TPRKB: variants seen among roughly 807,000 people sequenced by gnomAD.
The protein encoded by TPRKB is EKC/KEOPS complex subunit TPRKB.
A neutral mutation model predicts 17.8 loss-of-function variants in TPRKB; 11 were observed. That is an observed-to-expected ratio of 0.62 (90% CI 0.39 to 1.02). The LOEUF (loss-of-function observed/expected upper bound fraction) is 1.02, where lower values mean the gene tolerates loss of function less well. TPRKB is among the 50% of genes least tolerant of loss of function. TPRKB has a pLI of 0.00. For synonymous variants in TPRKB, 71 were observed against 69.5 expected (o/e 1.02, Z -0.11); for missense variants, 228 against 198.0 (o/e 1.15, Z -0.91).
At chr2:73,736,020 AT>A (rs1671860933) in intron 1 of TPRKB, among the ~76,000 whole-genome samples, 1 of 152,228 alleles carries the variant, frequency 6.6e-6, no homozygotes, top group Non-Finnish European at 1.5e-5. Flanking sequence ...AAACATCTGA[AT>A]GGAAAACAAA....
In TPRKB at chr2:73,732,372, T is replaced by G. The variant is rs892554597; in HGVS notation, c.142-87A>C. 4 of 1,405,478 alleles carry G rather than the reference T, an allele frequency of 2.8e-6. No homozygotes were observed. The African/African-American group carries it at 5.8e-5, about 20-fold the overall frequency. 87.1% of individuals were successfully genotyped at this position (1,405,478 alleles called of 1,614,324 possible). ...TGGTAACTCATGGTTAACTCCAGTGTCAAGCTGTTTTACTTCATCACAATT... is the reference window on the plus strand; with the variant it reads ...TGGTAACTCATGGTTAACTCCAGTGGCAAGCTGTTTTACTTCATCACAATT... On this transcript the variant is annotated intron_variant, in intron 2 of 4. Transcript: ENST00000272424.
rs1671548880 is a variant in TPRKB at position 73,730,493 on chromosome 2, A to T, written c.441+67T>A. 6.9e-6 allele frequency: 8 copies of T among 1,151,190 alleles called. No homozygotes were observed. The South Asian group carries it at 1.2e-4, about 17-fold the overall frequency. 71.3% of individuals were successfully genotyped at this position (1,151,190 alleles called of 1,614,324 possible). On this transcript the variant is annotated intron_variant, in intron 4 of 4. Transcript: ENST00000272424. ...AAAAAACAAGGAGCTCTGGTGATCA[A>T]TAGGCAAACGGCATCAGCATTATTG...
At chr2:73,733,486 G>A (rs531616514) in intron 2 of TPRKB, among the ~76,000 whole-genome samples, 13 of 150,880 alleles carry the variant, frequency 8.6e-5, no homozygotes, top group South Asian at 4.2e-4. Flanking sequence ...CTCAAACTCC[G>A]GGCCTCAAGC....
intron 3 of TPRKB, among the ~76,000 whole-genome samples, chr2:73,731,606 T>C (rs1009848575): frequency 6.6e-6 from 1 of 152,220 alleles, no homozygotes; most frequent in African/African-American, 2.4e-5. Context: ...ATCAGCAAAA[T>C]TGCAGTCATT....
intron 4 of TPRKB, 154 bp from the exon 5 acceptor site, chr2:73,730,183 G>A: frequency 1.1e-6 from 1 of 934,370 alleles, no homozygotes; most frequent in Non-Finnish European, 1.5e-6. Context: ...TCAAAGTAGA[G>A]GGCAATTCAT....
chr2:73,730,869 C>A (rs1573139845), intron 3 of TPRKB, 133 bp from the exon 4 acceptor site: 1 of 573,896 alleles, frequency 1.7e-6, no homozygotes, highest in Non-Finnish European at 2.8e-6. Context: ...TCACTGCCTA[C>A]TTTTTCACTT....
At chr2:73,736,050 G>A (rs1193440783) in intron 1 of TPRKB, among the ~76,000 whole-genome samples, 1 of 152,130 alleles carries the variant, frequency 6.6e-6, no homozygotes. Context: ...TGGCCAAAAT[G>A]TGGGTTTTTT....
intron 2 of TPRKB, among the ~76,000 whole-genome samples, chr2:73,733,688 A>G (rs966677375): frequency 6.6e-6 from 1 of 152,082 alleles, no homozygotes; most frequent in African/African-American, 2.4e-5. Flanking sequence ...ATTCACTGTT[A>G]TAGTCAAAGT....
At chr2:73,730,051 T>G (rs746527584) in intron 4 of TPRKB, 22 bp from the exon 5 acceptor site, 5 of 1,536,686 alleles carry the variant, frequency 3.3e-6, no homozygotes, top group Non-Finnish European at 3.5e-6. Context: ...AAAGACAAAT[T>G]ATGACTTGCT....
chr2:73,730,831 GCT>G, intron 3 of TPRKB, 95 bp from the exon 4 acceptor site: 1 of 920,612 alleles, frequency 1.1e-6, no homozygotes, highest in Non-Finnish European at 1.5e-6. Context: ...CCTTGGTCAG[GCT>G]CTTATTTTTC....
chr2:73,730,757 A>C (rs1487046573), intron 3 of TPRKB, 21 bp from the exon 4 acceptor site: 6 of 1,472,338 alleles, frequency 4.1e-6, no homozygotes, highest in Non-Finnish European at 4.5e-6. Context: ...AAAAATGAAA[A>C]AAAAAACACA....
chr2:73,737,315 G>C lies in TPRKB; in HGVS notation c.-36C>G, dbSNP rs1018627321. On this transcript the variant is annotated 5_prime_UTR_variant, in exon 1 of 5. Transcript: ENST00000272424. ...AGGAAAACTCACCATCCGGCCCCCA[G>C]TGCGTCTCGGAAGAGCTCCCGCTCC... 4 of 152,350 alleles carry C rather than the reference G, an allele frequency of 2.6e-5. No homozygotes were observed. The highest frequency in any genetic ancestry group is 4.8e-5 in the African/African-American group (2 of 41,570). The allele number at this position is 152,350 out of a possible 1,614,324, so 9.4% of individuals were successfully genotyped here. A position where few individuals can be genotyped will look rare whatever the true frequency, so the allele number is the denominator to read the frequency against.
Position 73,730,635 on chromosome 2 carries a change from T to C in TPRKB, c.366A>G (p.Leu122=). 6.3e-7 allele frequency: 1 copy of C among 1,592,188 alleles called. No homozygotes were observed. The highest frequency in any genetic ancestry group is 8.5e-7 in the Non-Finnish European group (1 of 1,170,322). The change falls in exon 4 of 5, where the codon CTA becomes CTG. Residue 122 remains leucine, a synonymous_variant. Coordinates refer to ENST00000272424, the MANE Select transcript of TPRKB (RefSeq NM_016058.5). ...CCTGATGACCTTCTACTTGAGATAT[T>C]AGGTATTCTTGATTTATTTGTTTTT... ...EGEKQINQEY[L]ISQVEGHQVS...
rs1467620908 is a variant in TPRKB at position 73,734,431 on chromosome 2, C to T, written c.139G>A (p.Val47Met). The T allele has an allele frequency of 9.3e-6, 15 of 1,611,304 alleles. No homozygotes were observed. Among genetic ancestry groups the T allele is most frequent in the Middle Eastern group, 1.6e-4 (1 of 6,066 alleles). The change falls in exon 2 of 5, where the codon GTG becomes ATG. Residue 47 changes from valine to methionine, a missense_variant and splice_region_variant. Transcript: ENST00000272424. Reference protein sequence around the residue: ...TIDGSLINPTVIVDPFQILVA... With the variant: ...TIDGSLINPTMIVDPFQILVA... Reference sequence around the variant, plus strand: ...TCATTCTTAAAATTTATATTTACCACTGTAGGATTTATCAGTGATCCATCG... The same window carrying T: ...TCATTCTTAAAATTTATATTTACCATTGTAGGATTTATCAGTGATCCATCG...
chr2:73,730,194 T>A, intron 4 of TPRKB, 165 bp from the exon 5 acceptor site: 1 of 816,370 alleles, frequency 1.2e-6, no homozygotes, highest in Non-Finnish European at 1.7e-6. Flanking sequence ...GGCAATTCAT[T>A]ACTTGTATCC....
Position 73,732,261 on chromosome 2 carries a change from C to T in TPRKB, c.166G>A (p.Val56Met), listed in dbSNP as rs779425060. Reference sequence around the variant, plus strand: ...AGGTGAACTGCTTTGTTTGCTGCCACAAGTATCTGAAATGGATCAACAATC... The same window carrying T: ...AGGTGAACTGCTTTGTTTGCTGCCATAAGTATCTGAAATGGATCAACAATC... ...TVIVDPFQIL[V>M]AANKAVHLYK... Residue 56 changes from valine to methionine, a missense_variant, in exon 3 of 5, where the codon GTG becomes ATG. Coordinates refer to ENST00000272424, the MANE Select transcript of TPRKB (RefSeq NM_016058.5). 1 of 1,613,896 alleles carries T rather than the reference C, an allele frequency of 6.2e-7. No individual in the cohort carries two copies. The highest frequency in any genetic ancestry group is 8.5e-7 in the Non-Finnish European group (1 of 1,179,924).
rs1285130863 is a variant in TPRKB, at chr2:73,732,225, C to G, written c.202G>C (p.Gly68Arg). ...GATAGAGTTCTTGTCTTCATTTTTC[C>G]CAGTTTGTAGAGGTGAACTGCTTTG... ...ANKAVHLYKL[G>R]KMKTRTLSTE... The change falls in exon 3 of 5, where the codon GGA becomes CGA. Residue 68 changes from glycine to arginine, a missense_variant. By Grantham distance (125) the Gly-to-Arg change is moderately radical. Transcript: ENST00000272424. The G allele has an allele frequency of 1.2e-6, 2 of 1,613,840 alleles. No homozygotes were observed. The highest frequency in any genetic ancestry group is 1.1e-5 in the South Asian group (1 of 91,028).
rs774383163 is a variant in TPRKB at position 73,732,202 on chromosome 2, T to A, written c.225A>T (p.Leu75=). 4.3e-6 allele frequency: 7 copies of A among 1,613,926 alleles called. No homozygotes were observed. The South Asian group carries it at 7.7e-5, about 18-fold the overall frequency. The stretch of plus-strand genomic sequence containing the variant: ...AAAGGTTGAAAATAATTTCAGTAGA[T>A]AGAGTTCTTGTCTTCATTTTTCCCA... ...YKLGKMKTRT[L]STEIIFNLSP... Residue 75 remains leucine, a synonymous_variant, in exon 3 of 5, where the codon CTA becomes CTT. Coordinates refer to ENST00000272424, the MANE Select transcript of TPRKB (RefSeq NM_016058.5).
chr2:73,736,095 C>A (rs1390130702), intron 1 of TPRKB, among the ~76,000 whole-genome samples: 1 of 152,158 alleles, frequency 6.6e-6, no homozygotes, highest in East Asian at 1.9e-4. Flanking sequence ...AAAGAAAATA[C>A]ACCAAAAAGT....
Sources: gnomAD v4.1 joint callset for allele counts (sites outside exome capture counted in the v4.1 genomes callset) on GRCh38, gnomAD v4.1.1 for gene constraint, MANE v1.5 for transcripts, NCBI Gene and HGNC (gene_info 2026-07-23, HGNC 2026-07-21) for gene names.